GRIK4: variants seen among roughly 807,000 people sequenced by gnomAD.
GRIK4 encodes glutamate ionotropic receptor kainate type subunit 4.
A neutral mutation model predicts 104.9 loss-of-function variants in GRIK4; 40 were observed. The ratio of observed to expected loss-of-function variants is 0.38; its 90% CI spans 0.30 to 0.50. GRIK4 has a LOEUF of 0.50. Among genes scored for constraint, GRIK4 ranks in the 20% least tolerant of loss-of-function variants. The pLI, the probability that GRIK4 is intolerant of heterozygous loss-of-function variation, is 0.93. For synonymous variants in GRIK4, 485 were observed against 524.9 expected (o/e 0.92, Z 1.04); for missense variants, 1,047 against 1,308.1 (o/e 0.80, Z 3.08).
rs545962824 is a variant in GRIK4 at position 120,967,666 on chromosome 11, C to A, written c.2395+343C>A. On this transcript the variant is annotated intron_variant, in intron 19 of 20. Coordinates refer to ENST00000527524, the MANE Select transcript of GRIK4 (RefSeq NM_014619.5). This position sits in a 1 kb window ranked among gnomAD's most constrained non-coding sequence, Gnocchi z 4.2. ...GCCTGGTTTCAGTTTCCCATTCTTG[C>A]GTCTCTACAGTATATTCTCCGCTAC... Among the ~76,000 whole-genome samples, 22 of 152,278 alleles carry A rather than the reference C, an allele frequency of 1.4e-4. No individual in the cohort carries two copies. Among genetic ancestry groups the A allele is most frequent in the African/African-American group, 5.3e-4 (22 of 41,542 alleles).
chr11:120,584,104 G>A (rs745397896), intron 1 of GRIK4, among the ~76,000 whole-genome samples: 1 of 152,180 alleles, frequency 6.6e-6, no homozygotes, highest in South Asian at 2.1e-4. Flanking sequence ...AGCTCTAGGA[G>A]CTTTTGAGCA....
At chr11:120,702,241 A>C (rs905871711) in intron 3 of GRIK4, among the ~76,000 whole-genome samples, 5 of 151,432 alleles carry the variant, frequency 3.3e-5, no homozygotes, top group African/African-American at 1.2e-4. Context: ...GGCGTGAGCC[A>C]CTGCGCCTGG....
At chr11:120,683,796 A>G (rs992938609) in intron 3 of GRIK4, among the ~76,000 whole-genome samples, 5 of 152,256 alleles carry the variant, frequency 3.3e-5, no homozygotes, top group African/African-American at 7.2e-5. Context: ...CCTAGGGGGC[A>G]TATTGGTCAA....
chr11:120,986,627 T>G lies in GRIK4; in HGVS notation c.*367T>G. Reference sequence around the variant, plus strand: ...TGGAATCATCAGTTGAATTTCCCCCTAGTCAGGGGCCAATGTACCCTCCGT... The same window carrying G: ...TGGAATCATCAGTTGAATTTCCCCCGAGTCAGGGGCCAATGTACCCTCCGT... On this transcript the variant is annotated 3_prime_UTR_variant, in exon 21 of 21. Transcript: ENST00000527524. 1 of 190,906 alleles carries G rather than the reference T, an allele frequency of 5.2e-6. No individual in the cohort carries two copies. The highest frequency in any genetic ancestry group is 1.3e-4 in the East Asian group (1 of 7,562). 11.8% of individuals were successfully genotyped at this position (190,906 alleles called of 1,614,324 possible). A position where few individuals can be genotyped will look rare whatever the true frequency, so the allele number is the denominator to read the frequency against.
chr11:120,785,121 C>G lies in GRIK4; in HGVS notation c.83-17572C>G, dbSNP rs149139558. Among the ~76,000 whole-genome samples the G allele has an allele frequency of 2.4e-3, 368 of 152,262 alleles. 2 individuals are homozygous for G. Among genetic ancestry groups the G allele is most frequent in the Middle Eastern group, 0.024 (7 of 294 alleles). ...TCCCATAAGTCGTCCAGAAGGCTGTCACCGGCGGGCCATTAGACAAGACAA... is the reference window on the plus strand; with the variant it reads ...TCCCATAAGTCGTCCAGAAGGCTGTGACCGGCGGGCCATTAGACAAGACAA... On this transcript the variant is annotated intron_variant, in intron 3 of 20. Transcript: ENST00000527524.
In GRIK4 at chr11:120,637,479, A is replaced by G. The variant is rs183872539; in HGVS notation, c.-158-16206A>G. ...CTTCATACACCTTTTGCTGAGCTGCATAACAAATGTGCTGTAAATTTCAGT... is the reference window on the plus strand; with the variant it reads ...CTTCATACACCTTTTGCTGAGCTGCGTAACAAATGTGCTGTAAATTTCAGT... On this transcript the variant is annotated intron_variant, in intron 1 of 20. Transcript: ENST00000527524. 2.6e-5 allele frequency among the ~76,000 whole-genome samples: 4 copies of G among 152,278 alleles called. No homozygotes were observed. In the East Asian group the frequency reaches 7.7e-4, roughly 29 times the overall value.
At chr11:120,891,571 A>G (rs11601226) in intron 11 of GRIK4, among the ~76,000 whole-genome samples, 4,721 of 152,296 alleles carry the variant, frequency 0.031, 243 homozygotes, top group African/African-American at 0.11. Context: ...TCTACAGGCA[A>G]TGTTCCTGGT....
chr11:120,902,580 C>T lies in GRIK4; in HGVS notation c.1273-2710C>T, dbSNP rs909927587. Among the ~76,000 whole-genome samples the T allele has an allele frequency of 1.2e-4, 19 of 152,168 alleles. No homozygotes were observed. The highest frequency in any genetic ancestry group is 4.3e-4 in the African/African-American group (18 of 41,422). ...GGAAGCCATTTGTTTGCTTCTTACT[C>T]ACATGATCGGCAAGTGCTTAATGCT... On this transcript the variant is annotated intron_variant, in intron 12 of 20. Coordinates refer to ENST00000527524, the MANE Select transcript of GRIK4 (RefSeq NM_014619.5). The surrounding 1 kb of genome is among the most constrained non-coding windows in gnomAD (Gnocchi z 4.5).
intron 3 of GRIK4, among the ~76,000 whole-genome samples, chr11:120,707,509 G>A (rs1292258992): frequency 6.6e-6 from 1 of 152,212 alleles, no homozygotes; most frequent in Non-Finnish European, 1.5e-5. Context: ...CAAGGGTAAA[G>A]GGAGTAATCA....
chr11:120,541,916 C>G (rs931600343), intron 1 of GRIK4, among the ~76,000 whole-genome samples: 1 of 151,916 alleles, frequency 6.6e-6, no homozygotes, highest in Non-Finnish European at 1.5e-5. Context: ...TTAATGTAAT[C>G]CATATCAAAA....
chr11:120,797,510 T>C (rs1485994202), intron 3 of GRIK4, among the ~76,000 whole-genome samples: 1 of 152,206 alleles, frequency 6.6e-6, no homozygotes, highest in East Asian at 1.9e-4. Context: ...GCTTCTCTGG[T>C]GTCCCAAGAG....
rs1431968674 is a variant in GRIK4 at position 120,903,645 on chromosome 11, A to G, written c.1273-1645A>G. ...TGCCCTTCAAGCTGCCCTCCAACGT[A>G]GGGAGTCACAGAATCACAGAATTGG... On this transcript the variant is annotated intron_variant, in intron 12 of 20. Coordinates refer to ENST00000527524, the MANE Select transcript of GRIK4 (RefSeq NM_014619.5). This position sits in a 1 kb window ranked among gnomAD's most constrained non-coding sequence, Gnocchi z 4.4. Among the ~76,000 whole-genome samples the G allele has an allele frequency of 1.3e-5, 2 of 152,094 alleles. No individual in the cohort carries two copies. The highest frequency in any genetic ancestry group is 2.9e-5 in the Non-Finnish European group (2 of 68,012).
chr11:120,560,514 T>C (rs929924950), intron 1 of GRIK4, among the ~76,000 whole-genome samples: 1 of 152,194 alleles, frequency 6.6e-6, no homozygotes, highest in South Asian at 2.1e-4. Context: ...AAACTGAATA[T>C]AGTATGTATA....
Position 120,634,936 on chromosome 11 carries a change from C to T in GRIK4, c.-158-18749C>T, listed in dbSNP as rs574438408. Among the ~76,000 whole-genome samples, 29 of 152,314 alleles carry T rather than the reference C, an allele frequency of 1.9e-4. No individual in the cohort carries two copies. In the South Asian group the frequency reaches 6.0e-3, roughly 32 times the overall value. On this transcript the variant is annotated intron_variant, in intron 1 of 20. Transcript: ENST00000527524. ...AGGGAAAGCGAGATGCGAACGTCCC[C>T]CTTGCACCTCAGTTGAGCTTCGCCT...
At chr11:120,533,709 C>T (rs1198501888) in intron 1 of GRIK4, among the ~76,000 whole-genome samples, 1 of 152,116 alleles carries the variant, frequency 6.6e-6, no homozygotes, top group Admixed American at 6.5e-5. Context: ...GAAACCCTGT[C>T]TCTACAAAAA....
At chr11:120,665,525 G>A (rs530936642) in intron 3 of GRIK4, among the ~76,000 whole-genome samples, 3 of 152,292 alleles carry the variant, frequency 2.0e-5, no homozygotes, top group Non-Finnish European at 2.9e-5. Context: ...TATTTCCAGA[G>A]TCTAGCACTG....
intron 14 of GRIK4, among the ~76,000 whole-genome samples, chr11:120,943,478 G>A (rs988592064): frequency 5.9e-5 from 9 of 152,084 alleles, no homozygotes; most frequent in Admixed American, 1.3e-4. Context: ...ACAGAGGAGG[G>A]CCTTAGGAAG....
chr11:120,787,297 C>G (rs1952299860), intron 3 of GRIK4, among the ~76,000 whole-genome samples: 2 of 151,936 alleles, frequency 1.3e-5, no homozygotes, highest in South Asian at 2.1e-4. Flanking sequence ...CCACTGCACT[C>G]CAGCCTGGAC....
intron 1 of GRIK4, among the ~76,000 whole-genome samples, chr11:120,542,240 T>C (rs988803659): frequency 3.9e-5 from 6 of 152,188 alleles, no homozygotes; most frequent in African/African-American, 1.4e-4. Context: ...TGGGGAAAAC[T>C]GGATATTCAC....
Sources: allele counts gnomAD v4.1 joint callset (sites outside exome capture counted in the v4.1 genomes callset), GRCh38; gene constraint gnomAD v4.1.1; non-coding constraint Gnocchi (gnomAD v3.1); transcripts MANE v1.5; gene names NCBI Gene and HGNC (gene_info 2026-07-23, HGNC 2026-07-21).